ERICH3: variants seen among roughly 807,000 people sequenced by gnomAD.
The protein encoded by ERICH3 is glutamate rich 3.
A neutral mutation model predicts 131.1 loss-of-function variants in ERICH3; 126 were observed. The ratio of observed to expected loss-of-function variants is 0.96; its 90% CI spans 0.83 to 1.11. The LOEUF (loss-of-function observed/expected upper bound fraction) is 1.11. Among genes scored for constraint, ERICH3 ranks in the 50% most tolerant of loss-of-function variants. The pLI, the probability that ERICH3 is intolerant of heterozygous loss-of-function variation, is 0.00. For missense variants in ERICH3, 2,050 were observed against 1,810.7 expected, an observed-to-expected ratio of 1.13 and a Z score of -2.40; for synonymous variants, 695 against 644.6, an observed-to-expected ratio of 1.08 and a Z score of -1.18.
chr1:74,583,173 A>C (rs1203682754), intron 12 of ERICH3, among the ~76,000 whole-genome samples: 2 of 152,272 alleles, frequency 1.3e-5, no homozygotes, highest in African/African-American at 2.4e-5. Context: ...AAGTTCAAGA[A>C]ATCATCCAAG....
intron 13 of ERICH3, among the ~76,000 whole-genome samples, chr1:74,576,074 T>C (rs1459349014): frequency 6.6e-6 from 1 of 152,198 alleles, no homozygotes; most frequent in Non-Finnish European, 1.5e-5. Flanking sequence ...AGCTCTGCCA[T>C]TTACTAATTG....
intron 12 of ERICH3, chr1:74,579,756 C>T (rs1647143099): frequency 8.1e-6 from 8 of 985,384 alleles, no homozygotes; most frequent in Non-Finnish European, 9.6e-6. Context: ...TGACATATCA[C>T]TTTGTTGCCT....
chr1:74,648,656 C>T (rs537265365), intron 2 of ERICH3, among the ~76,000 whole-genome samples: 46 of 152,182 alleles, frequency 3.0e-4, no homozygotes, highest in Admixed American at 5.2e-4. Context: ...TCTTTCTTTC[C>T]ATGGAATACT....
chr1:74,653,483 C>T (rs190869179), intron 1 of ERICH3, among the ~76,000 whole-genome samples: 7 of 151,934 alleles, frequency 4.6e-5, no homozygotes, highest in East Asian at 1.9e-4. Context: ...GAGTTCTTCC[C>T]GTATCATAAG....
intron 8 of ERICH3, among the ~76,000 whole-genome samples, chr1:74,620,458 A>G (rs17615428): frequency 5.2e-4 from 79 of 152,330 alleles, no homozygotes; most frequent in Admixed American, 1.4e-3. Flanking sequence ...TTATTCGTGC[A>G]ACATTTTAAT....
At position 74,572,354 on chromosome 1, in the gene ERICH3, G is replaced by A; in HGVS notation, c.3356C>T (p.Pro1119Leu). 1 of 1,613,614 alleles carries A rather than the reference G, an allele frequency of 6.2e-7. No individual in the cohort carries two copies. The highest frequency in any genetic ancestry group is 1.1e-5 in the South Asian group (1 of 91,064). Residue 1119 changes from proline (P) to leucine (L), a missense_variant, in exon 14 of 15, where the codon CCA becomes CTA. Coordinates refer to ENST00000326665, the MANE Select transcript of ERICH3 (RefSeq NM_001002912.5). The part of the protein sequence containing the change: ...VRAEEETKAP[P>L]NEMGSDAENE... ...CTCAGCATCAGATCCCATTTCATTT[G>A]GGGGAGCTTTTGTCTCTTCCTCAGC... is the stretch of plus-strand genomic sequence containing the variant.
intron 12 of ERICH3, chr1:74,577,245 G>GAA (rs142907816): frequency 0.28 from 51,058 of 179,902 alleles, 6,776 homozygotes; most frequent in East Asian, 0.41. Context: ...TTAGTTGAAA[G>GAA]AAAAAAAAAA....
chr1:74,661,573 T>G (rs1646641881), intron 1 of ERICH3, among the ~76,000 whole-genome samples: 1 of 152,206 alleles, frequency 6.6e-6, no homozygotes, highest in East Asian at 1.9e-4. Context: ...AAACACCTTC[T>G]CTATGCTCCC....
chr1:74,592,838 C>T (rs949846892), intron 11 of ERICH3, among the ~76,000 whole-genome samples: 4 of 151,940 alleles, frequency 2.6e-5, no homozygotes, highest in African/African-American at 7.3e-5. Flanking sequence ...TACACAGACA[C>T]GGGGGTAAGA....
At chr1:74,582,615 A>G (rs1647198649) in intron 12 of ERICH3, among the ~76,000 whole-genome samples, 1 of 152,156 alleles carries the variant, frequency 6.6e-6, no homozygotes, top group African/African-American at 2.4e-5. Flanking sequence ...TCACTGCAAT[A>G]ATTCAACTGC....
chr1:74,650,648 T>C (rs937533200), intron 1 of ERICH3, among the ~76,000 whole-genome samples: 3 of 152,116 alleles, frequency 2.0e-5, no homozygotes, highest in African/African-American at 4.8e-5. Flanking sequence ...GAAAAAGGGA[T>C]GATTCACATC....
rs75449185 is a variant in ERICH3 at position 74,594,184 on chromosome 1, T to C, written c.1727-4104A>G. On this transcript the variant is annotated intron_variant, in intron 11 of 14. Coordinates refer to ENST00000326665, the MANE Select transcript of ERICH3 (RefSeq NM_001002912.5). ...TTCCCTAGTTTATTTATAACATTTA[T>C]CATGATGCTATTTTATGAAAATATA... Among the ~76,000 whole-genome samples the C allele has an allele frequency of 2.1e-3, 322 of 152,212 alleles. 10 individuals carry two copies. The East Asian group carries it at 0.058, about 28-fold the overall frequency.
At chr1:74,659,908 C>T (rs958476554) in intron 1 of ERICH3, among the ~76,000 whole-genome samples, 3 of 151,978 alleles carry the variant, frequency 2.0e-5, no homozygotes, top group African/African-American at 7.3e-5. Flanking sequence ...ACACAAAGTC[C>T]CAGAGAGAGA....
At position 74,643,027 on chromosome 1, in the gene ERICH3, C is replaced by A; in HGVS notation, c.315G>T (p.Lys105Asn). Residue 105 changes from lysine to asparagine, a missense_variant and splice_region_variant, in exon 4 of 15, where the codon AAG becomes AAT. Coordinates refer to ENST00000326665, the MANE Select transcript of ERICH3 (RefSeq NM_001002912.5). ...AAAAGAGAGTTATATAACTCCTTAC[C>A]TTAAACCTCTGGATTCGCTCCTTCC... ...LARKERIQRFKGEHTRRSVEN... is the reference protein window; with the variant it reads ...LARKERIQRFNGEHTRRSVEN... 1.2e-6 allele frequency: 2 copies of A among 1,603,584 alleles called. No individual in the cohort carries two copies. The highest frequency in any genetic ancestry group is 8.5e-7 in the Non-Finnish European group (1 of 1,172,508).
At chr1:74,584,264 C>T (rs1374149826) in intron 12 of ERICH3, among the ~76,000 whole-genome samples, 1 of 152,202 alleles carries the variant, frequency 6.6e-6, no homozygotes, top group Non-Finnish European at 1.5e-5. Flanking sequence ...TAAAGTTTAG[C>T]CTCCATATAG....
chr1:74,587,342 A>C (rs1197941776), intron 12 of ERICH3, among the ~76,000 whole-genome samples: 1 of 151,366 alleles, frequency 6.6e-6, no homozygotes, highest in South Asian at 2.1e-4. Flanking sequence ...AAAAAAAAAA[A>C]AAAAAATTAA....
At chr1:74,580,755 G>A (rs1387966526) in intron 12 of ERICH3, among the ~76,000 whole-genome samples, 2 of 152,142 alleles carry the variant, frequency 1.3e-5, no homozygotes, top group East Asian at 3.8e-4. Context: ...ATGTATTACA[G>A]ACATCAATCA....
chr1:74,668,808 A>T (rs1646715155), intron 1 of ERICH3, among the ~76,000 whole-genome samples: 1 of 152,218 alleles, frequency 6.6e-6, no homozygotes, highest in Non-Finnish European at 1.5e-5. Context: ...TTAATTTGTT[A>T]ATATTTAACA....
chr1:74,666,286 G>A (rs1003199253), intron 1 of ERICH3, among the ~76,000 whole-genome samples: 1 of 152,156 alleles, frequency 6.6e-6, no homozygotes, highest in Non-Finnish European at 1.5e-5. Flanking sequence ...AGACCCATAA[G>A]AGAATAAGAA....
Sources: allele counts gnomAD v4.1 joint callset (sites outside exome capture counted in the v4.1 genomes callset), GRCh38; gene constraint gnomAD v4.1.1; transcripts MANE v1.5; gene names NCBI Gene and HGNC (gene_info 2026-07-23, HGNC 2026-07-21).